NAGLU: variants seen among roughly 807,000 people sequenced by gnomAD.
The protein encoded by NAGLU is alpha-N-acetylglucosaminidase.
In NAGLU, 34 loss-of-function variants were observed where a neutral mutation model predicts 43.4. The observed-to-expected ratio is 0.78, with a 90% CI of 0.60 to 1.04. The LOEUF is 1.04. Ranked by LOEUF, NAGLU falls within the 50% of genes least tolerant of loss-of-function variation. The pLI is 0.00. For synonymous variants in NAGLU, 425 were observed against 437.6 expected (o/e 0.97, Z 0.36); for missense variants, 910 against 993.7 (o/e 0.92, Z 1.13).
At position 42,536,313 on chromosome 17, in the gene NAGLU, T is replaced by A; in HGVS notation, c.41T>A (p.Leu14His). 1.6e-6 allele frequency: 2 copies of A among 1,218,438 alleles called. No homozygotes were observed. The highest frequency in any genetic ancestry group is 2.0e-6 in the Non-Finnish European group (2 of 979,748). 75.5% of individuals were successfully genotyped at this position (1,218,438 alleles called of 1,614,324 possible). The change falls in exon 1 of 6, where the codon CTC (leucine) becomes CAC (histidine). Residue 14 changes from leucine (L) to histidine (H), a missense_variant. Physicochemically the swap from Leu to His is moderately conservative, Grantham distance 99 (BLOSUM62 -3). Transcript: ENST00000225927. Reference protein sequence around the residue: ...VAVAAAVGVLLLAGAGGAAGD... With the variant: ...VAVAAAVGVLHLAGAGGAAGD... ...GTGGCCGCGGCGGTGGGGGTCCTTC[T>A]CCTGGCCGGGGCCGGGGGCGCGGCA...
At chr17:42,540,399 TAAAA>T (rs748272091) in intron 4 of NAGLU, among the ~76,000 whole-genome samples, 1 of 123,766 alleles carries the variant, frequency 8.1e-6, no homozygotes, top group Non-Finnish European at 1.7e-5. Flanking sequence ...AAAGTATAAT[TAAAA>T]AAAAAAAAAA....
intron 4 of NAGLU, 105 bp downstream of exon 4, chr17:42,538,860 G>A (rs746860582): frequency 3.6e-5 from 49 of 1,342,818 alleles, no homozygotes; most frequent in African/African-American, 2.9e-4. Context: ...AGTGGCTCAC[G>A]CCTGTAATCC....
Position 42,536,411 on chromosome 17 carries a change from G to A in NAGLU, c.139G>A (p.Asp47Asn). 8.0e-7 allele frequency: 1 copy of A among 1,242,878 alleles called. No homozygotes were observed. The highest frequency in any genetic ancestry group is 1.0e-6 in the Non-Finnish European group (1 of 983,600). 77.0% of individuals were successfully genotyped at this position (1,242,878 alleles called of 1,614,324 possible). Residue 47 changes from aspartate (D) to asparagine (N), a missense_variant, in exon 1 of 6, where the codon GAC becomes AAC. Physicochemically the swap from Asp to Asn is conservative, Grantham distance 23. Transcript: ENST00000225927. ...GCTGCTGGGGCCAGGCCCCGCGGCC[G>A]ACTTCTCCGTGTCGGTGGAGCGCGC... ...ARLLGPGPAADFSVSVERALA... is the reference protein window; with the variant it reads ...ARLLGPGPAANFSVSVERALA...
At chr17:42,538,545 G>A (rs1487303721) in intron 3 of NAGLU, 60 bp downstream of exon 3, 15 of 1,613,146 alleles carry the variant, frequency 9.3e-6, no homozygotes, top group Non-Finnish European at 1.2e-5. Flanking sequence ...GGCCCAGGAA[G>A]GGTGGTATTA....
At chr17:42,542,253 G>A (rs937639728) in intron 5 of NAGLU, among the ~76,000 whole-genome samples, 1 of 152,070 alleles carries the variant, frequency 6.6e-6, no homozygotes, top group East Asian at 1.9e-4. Context: ...TAGTAGAGAC[G>A]GGGTTTCGCT....
intron 1 of NAGLU, chr17:42,537,065 C>T (rs2143079776): frequency 4.3e-6 from 2 of 461,684 alleles, no homozygotes; most frequent in East Asian, 4.4e-5. Context: ...AGCTGTCCTC[C>T]CCTGCCCATC....
chr17:42,537,860 T>TAA (rs908141983), intron 2 of NAGLU, among the ~76,000 whole-genome samples: 1,879 of 108,956 alleles, frequency 0.017, 57 homozygotes, highest in African/African-American at 0.057. Flanking sequence ...AGACTCTGTC[T>TAA]AAAAAAAAAA....
intron 5 of NAGLU, among the ~76,000 whole-genome samples, 167 bp downstream of exon 5, chr17:42,541,373 A>G (rs2092921555): frequency 2.6e-5 from 4 of 152,160 alleles, no homozygotes. Flanking sequence ...AGTGAATCCC[A>G]CTGTGGTTGA....
intron 4 of NAGLU, among the ~76,000 whole-genome samples, chr17:42,540,389 A>C (rs1211200715): frequency 1.3e-5 from 2 of 150,870 alleles, no homozygotes; most frequent in Non-Finnish European, 2.9e-5. Flanking sequence ...AACTGAACTG[A>C]AAGTATAATT....
At chr17:42,538,318 G>A (rs369148416) in intron 2 of NAGLU, 21 bp from the exon 3 acceptor site, 9 of 1,614,006 alleles carry the variant, frequency 5.6e-6, no homozygotes, top group Non-Finnish European at 7.6e-6. Flanking sequence ...ATATTTCTAT[G>A]TGTGGGCCCT....
In NAGLU at chr17:42,543,616, T is replaced by G; in HGVS notation, c.1610T>G (p.Phe537Cys). ...ATCTGGTACAACCGATCTGATGTGT[T>G]TGAGGCCTGGCGGCTGCTGCTCACA... The part of the protein sequence containing the change: ...TSIWYNRSDV[F>C]EAWRLLLTSA... Residue 537 changes from phenylalanine to cysteine, a missense_variant, in exon 6 of 6, where the codon TTT (phenylalanine) becomes TGT (cysteine). Transcript: ENST00000225927. 1 of 1,613,208 alleles carries G rather than the reference T, an allele frequency of 6.2e-7. No homozygotes were observed. The highest frequency in any genetic ancestry group is 8.5e-7 in the Non-Finnish European group (1 of 1,180,024).
At position 42,537,523 on chromosome 17, in the gene NAGLU, G is replaced by A; in HGVS notation, c.509G>A (p.Gly170Asp). Reference protein sequence around the residue: ...NGINLALAWSGQEAIWQRVYL... With the variant: ...NGINLALAWSDQEAIWQRVYL... ...ATCAACCTGGCACTGGCCTGGAGCG[G>A]CCAGGAGGCCATCTGGCAGCGGGTG... The change falls in exon 2 of 6, where the codon GGC becomes GAC. Residue 170 changes from glycine to aspartate, a missense_variant. Physicochemically the swap from Gly to Asp is moderately conservative, Grantham distance 94. Transcript: ENST00000225927. The A allele has an allele frequency of 6.2e-7, 1 of 1,614,018 alleles. No individual in the cohort carries two copies. The highest frequency in any genetic ancestry group is 8.5e-7 in the Non-Finnish European group (1 of 1,179,950).
intron 5 of NAGLU, among the ~76,000 whole-genome samples, chr17:42,542,163 A>G (rs2143103627): frequency 6.6e-6 from 1 of 152,108 alleles, no homozygotes; most frequent in South Asian, 2.1e-4. Context: ...CCTGAGTTCA[A>G]GCGATTCTCC....
In NAGLU at chr17:42,544,291, G is replaced by T; in HGVS notation, c.*53G>T. The T allele has an allele frequency of 6.2e-7, 1 of 1,600,050 alleles. No homozygotes were observed. ...TCCGCTAATTCCAGGGCAGATTCCA[G>T]GGCCCAGAGCTGGACAGACATCACA... On this transcript the variant is annotated 3_prime_UTR_variant, in exon 6 of 6. Coordinates refer to ENST00000225927, the MANE Select transcript of NAGLU (RefSeq NM_000263.4).
Position 42,543,104 on chromosome 17 carries a change from C to G in NAGLU, c.1098C>G (p.Ile366Met), listed in dbSNP as rs758217901. The change falls in exon 6 of 6, where the codon ATC becomes ATG. Residue 366 changes from isoleucine (I) to methionine (M), a missense_variant. Coordinates refer to ENST00000225927, the MANE Select transcript of NAGLU (RefSeq NM_000263.4). Reference sequence around the variant, plus strand: ...CGCAGTTCTGGGGGCCCGCCCAGATCAGGGCTGTGCTGGGAGCTGTGCCCC... The same window carrying G: ...CGCAGTTCTGGGGGCCCGCCCAGATGAGGGCTGTGCTGGGAGCTGTGCCCC... ...HQPQFWGPAQ[I>M]RAVLGAVPRG... is the part of the protein sequence containing the mutation. 1 of 1,612,760 alleles carries G rather than the reference C, an allele frequency of 6.2e-7. No individual in the cohort carries two copies. The highest frequency in any genetic ancestry group is 1.1e-5 in the South Asian group (1 of 91,092).
intron 4 of NAGLU, among the ~76,000 whole-genome samples, chr17:42,539,824 G>T (rs1300174517): frequency 6.6e-6 from 1 of 152,212 alleles, no homozygotes; most frequent in Admixed American, 6.5e-5. Context: ...TGAAAAATGA[G>T]TGTTGCTTGG....
At chr17:42,541,371 C>A (rs1394097333) in intron 5 of NAGLU, among the ~76,000 whole-genome samples, 165 bp downstream of exon 5, 2 of 152,156 alleles carry the variant, frequency 1.3e-5, no homozygotes, top group African/African-American at 4.8e-5. Flanking sequence ...TCAGTGAATC[C>A]CACTGTGGTT....
intron 4 of NAGLU, among the ~76,000 whole-genome samples, chr17:42,539,587 AACTC>A (rs2143091635): frequency 6.6e-6 from 1 of 152,370 alleles, no homozygotes; most frequent in South Asian, 2.1e-4. Context: ...GGTGGCAGGA[AACTC>A]ACTCATTCAT....
chr17:42,540,912 G>A (rs762055517), intron 4 of NAGLU, 38 bp from the exon 5 acceptor site: 7 of 1,614,036 alleles, frequency 4.3e-6, no homozygotes, highest in South Asian at 3.3e-5. Context: ...ACACTATGGC[G>A]GCTTCCATGA....
Sources: gnomAD v4.1 joint callset for allele counts (sites outside exome capture counted in the v4.1 genomes callset) on GRCh38, gnomAD v4.1.1 for gene constraint, MANE v1.5 for transcripts, NCBI Gene and HGNC (gene_info 2026-07-23, HGNC 2026-07-21) for gene names.